The following ADCY5 variants were observed in gnomAD, a reference collection of about 807,000 sequenced individuals.
ADCY5 encodes adenylate cyclase 5.
ADCY5 carries 30 observed loss-of-function variants against 119.7 expected under a neutral mutation model. The ratio of observed to expected loss-of-function variants is 0.25; its 90% CI spans 0.19 to 0.34. The LOEUF is 0.34. Among genes scored for constraint, ADCY5 ranks in the 10% least tolerant of loss-of-function variants. The pLI, the probability that ADCY5 is intolerant of heterozygous loss-of-function variation, is 1.00. For synonymous variants in ADCY5, 753 were observed against 762.2 expected, an observed-to-expected ratio of 0.99 and a Z score of 0.20; for missense variants, 1,324 against 1,775.2, an observed-to-expected ratio of 0.75 and a Z score of 4.57.
At chr3:123,367,516 C>A (rs1168968454) in intron 1 of ADCY5, among the ~76,000 whole-genome samples, 2 of 152,168 alleles carry the variant, frequency 1.3e-5, no homozygotes, top group East Asian at 3.9e-4. Flanking sequence ...GAATAATTAT[C>A]CCCACTCCCC....
At chr3:123,303,001 G>T in intron 14 of ADCY5, 54 bp downstream of exon 14, 2 of 1,589,480 alleles carry the variant, frequency 1.3e-6, no homozygotes, top group East Asian at 4.5e-5. Context: ...AGTGACAGTG[G>T]GGGAGGGCAA....
intron 1 of ADCY5, among the ~76,000 whole-genome samples, chr3:123,394,170 A>G (rs568638766): frequency 7.2e-5 from 11 of 152,208 alleles, no homozygotes; most frequent in South Asian, 2.1e-4. Context: ...TGTTTTTCTA[A>G]CTTTAAAGAG....
At chr3:123,334,460 C>G (rs1236149969) in intron 3 of ADCY5, among the ~76,000 whole-genome samples, 1 of 152,146 alleles carries the variant, frequency 6.6e-6, no homozygotes, top group Non-Finnish European at 1.5e-5. Flanking sequence ...CTTTTTAAAT[C>G]AAATATTGGG....
intron 1 of ADCY5, among the ~76,000 whole-genome samples, chr3:123,445,150 G>A (rs1945790622): frequency 6.6e-6 from 1 of 152,210 alleles, no homozygotes. Context: ...TATAAAGTAA[G>A]TGTAAATCCA....
At chr3:123,445,533 C>T (rs192981420) in intron 1 of ADCY5, among the ~76,000 whole-genome samples, 203 of 152,306 alleles carry the variant, frequency 1.3e-3, no homozygotes, top group African/African-American at 3.9e-3. Flanking sequence ...AAATCAGGAG[C>T]AGTCCCCAAA....
chr3:123,406,834 G>A (rs1203265789), intron 1 of ADCY5, among the ~76,000 whole-genome samples: 2 of 152,054 alleles, frequency 1.3e-5, no homozygotes, highest in Admixed American at 1.3e-4. Flanking sequence ...CTCCACTTGA[G>A]CTGGCTCTCC....
rs144348475 is a variant in ADCY5, at chr3:123,299,455, T to C, written c.2900+665A>G. ...ATCAATGTGTCTGAGGCTGAGATTC[T>C]AACCCAATTTCACCCAAAGCCTAAG... On this transcript the variant is annotated intron_variant, in intron 15 of 20. Transcript: ENST00000462833. 1.4e-4 allele frequency among the ~76,000 whole-genome samples: 22 copies of C among 152,376 alleles called. No homozygotes were observed. The East Asian group carries it at 4.2e-3, about 29-fold the overall frequency.
At chr3:123,412,011 C>T (rs375905559) in intron 1 of ADCY5, among the ~76,000 whole-genome samples, 3 of 152,238 alleles carry the variant, frequency 2.0e-5, no homozygotes, top group African/African-American at 7.2e-5. Context: ...CTGAACTATC[C>T]TACCCTAGGC....
intron 2 of ADCY5, among the ~76,000 whole-genome samples, chr3:123,351,683 TG>T (rs1264875252): frequency 6.6e-6 from 1 of 152,112 alleles, no homozygotes; most frequent in African/African-American, 2.4e-5. Context: ...GACCCCTACC[TG>T]ATTCACACAC....
intron 1 of ADCY5, among the ~76,000 whole-genome samples, chr3:123,442,101 G>A (rs956768212): frequency 1.3e-5 from 2 of 152,066 alleles, no homozygotes; most frequent in African/African-American, 4.8e-5. Context: ...GATGAGACAA[G>A]GATGCTAGGG....
intron 3 of ADCY5, among the ~76,000 whole-genome samples, chr3:123,334,412 T>C (rs56770039): frequency 0.023 from 3,500 of 152,352 alleles, 150 homozygotes; most frequent in African/African-American, 0.08. Context: ...TATTTTGTCC[T>C]TTTATTCTAA....
At chr3:123,411,979 T>G (rs562677895) in intron 1 of ADCY5, among the ~76,000 whole-genome samples, 1 of 152,264 alleles carries the variant, frequency 6.6e-6, no homozygotes, top group African/African-American at 2.4e-5. Context: ...CTTTGGAACA[T>G]GCCCTCTCCC....
chr3:123,356,334 A>G (rs917309713), intron 1 of ADCY5, among the ~76,000 whole-genome samples: 6 of 152,234 alleles, frequency 3.9e-5, no homozygotes, highest in Non-Finnish European at 1.5e-5. Flanking sequence ...TGTGCTTCAA[A>G]GGGCACCATC....
intron 1 of ADCY5, among the ~76,000 whole-genome samples, chr3:123,443,327 A>G (rs1018060): frequency 0.98 from 148,728 of 152,258 alleles, 72,736 homozygotes; most frequent in Middle Eastern, 1. Flanking sequence ...CCAGAAAAGC[A>G]AACGGCCAGG....
intron 1 of ADCY5, among the ~76,000 whole-genome samples, chr3:123,380,432 A>C (rs973336655): frequency 6.6e-6 from 1 of 152,182 alleles, no homozygotes; most frequent in Non-Finnish European, 1.5e-5. Flanking sequence ...AGATGACCTA[A>C]ACGATGTCCT....
chr3:123,412,231 C>G (rs1378953743), intron 1 of ADCY5, among the ~76,000 whole-genome samples: 1 of 152,176 alleles, frequency 6.6e-6, no homozygotes, highest in Non-Finnish European at 1.5e-5. Flanking sequence ...CTAGCCATGG[C>G]CTGGGGGCCC....
intron 3 of ADCY5, among the ~76,000 whole-genome samples, chr3:123,345,757 GACAGACAGACAGACACACAC>G (rs1942507272): frequency 1.6e-5 from 1 of 61,088 alleles, no homozygotes; most frequent in Admixed American, 1.5e-4. Context: ...CAGACAGACA[GACAGACAGACAGACACACAC>G]ACACACACAC....
At chr3:123,344,051 C>T (rs1942407037) in intron 3 of ADCY5, among the ~76,000 whole-genome samples, 2 of 152,178 alleles carry the variant, frequency 1.3e-5, no homozygotes, top group Admixed American at 1.3e-4. Context: ...TGCTGCACAA[C>T]TATTCTCCTC....
chr3:123,289,715 A>G, intron 19 of ADCY5, 35 bp downstream of exon 19: 1 of 1,608,334 alleles, frequency 6.2e-7, no homozygotes, highest in Non-Finnish European at 8.5e-7. Context: ...GCCTGACTGC[A>G]CCCTGGGCTC....
Sources: allele counts gnomAD v4.1 joint callset (sites outside exome capture counted in the v4.1 genomes callset), GRCh38; gene constraint gnomAD v4.1.1; transcripts MANE v1.5; gene names NCBI Gene and HGNC (gene_info 2026-07-23, HGNC 2026-07-21).